ZNF644: variants seen among roughly 807,000 people sequenced by gnomAD.
The protein encoded by ZNF644 is zinc finger motif enhancer binding protein 2.
A neutral mutation model predicts 108.0 loss-of-function variants in ZNF644; 20 were observed. The observed-to-expected ratio is 0.19, with a 90% CI of 0.13 to 0.27. ZNF644 has a LOEUF of 0.27. Ranked by LOEUF, ZNF644 falls within the 10% of genes least tolerant of loss-of-function variation. The pLI, the probability that ZNF644 is intolerant of heterozygous loss-of-function variation, is 1.00. For missense variants in ZNF644, 1,338 were observed against 1,548.9 expected (o/e 0.86, Z 2.29); for synonymous variants, 542 against 539.1 (o/e 1.01, Z -0.08).
intron 5 of ZNF644, among the ~76,000 whole-genome samples, chr1:90,917,269 C>A (rs934385789): frequency 6.6e-6 from 1 of 152,132 alleles, no homozygotes; most frequent in Non-Finnish European, 1.5e-5. Context: ...ACAACTATTA[C>A]TCCAAAATAT....
chr1:90,999,369 G>A (rs1658515810), intron 1 of ZNF644, among the ~76,000 whole-genome samples: 1 of 152,224 alleles, frequency 6.6e-6, no homozygotes, highest in African/African-American at 2.4e-5. Context: ...CAAGCCAGAA[G>A]AGAGTGGTGG....
chr1:90,937,218 T>TTG (rs368889464), intron 4 of ZNF644, among the ~76,000 whole-genome samples: 9 of 151,918 alleles, frequency 5.9e-5, no homozygotes, highest in East Asian at 5.8e-4. Context: ...GTTGTTTTTA[T>TTG]TGTGTGTGTG....
At chr1:90,919,315 T>C (rs967434885) in intron 4 of ZNF644, among the ~76,000 whole-genome samples, 2 of 152,124 alleles carry the variant, frequency 1.3e-5, no homozygotes, top group Admixed American at 6.5e-5. Context: ...TATCCTGCCA[T>C]GTGAAAAATT....
At chr1:90,929,375 T>C (rs1475848502) in intron 4 of ZNF644, among the ~76,000 whole-genome samples, 1 of 152,212 alleles carries the variant, frequency 6.6e-6, no homozygotes, top group Non-Finnish European at 1.5e-5. Flanking sequence ...ACATGTCTCA[T>C]ACTTTTCACA....
chr1:90,933,983 G>A (rs1330567182), intron 4 of ZNF644, among the ~76,000 whole-genome samples: 2 of 152,174 alleles, frequency 1.3e-5, no homozygotes, highest in African/African-American at 4.8e-5. Flanking sequence ...AAATTGCATA[G>A]CATAGTGCCT....
At chr1:90,955,633 G>A (rs538613982) in intron 2 of ZNF644, among the ~76,000 whole-genome samples, 49 of 152,220 alleles carry the variant, frequency 3.2e-4, no homozygotes, top group Non-Finnish European at 5.9e-4. Flanking sequence ...CTTTTCTTCC[G>A]AAACTTCCTC....
chr1:90,966,162 G>C (rs1016454689), intron 2 of ZNF644, among the ~76,000 whole-genome samples: 6 of 152,006 alleles, frequency 3.9e-5, no homozygotes, highest in African/African-American at 1.2e-4. Context: ...ATATACTTAC[G>C]GATCATTTCT....
rs1450849998 is a variant in ZNF644, at chr1:90,941,185, G to C, written c.169C>G (p.His57Asp). Residue 57 changes from histidine (H) to aspartate (D), a missense_variant, in exon 3 of 6, where the codon CAT becomes GAT. Physicochemically the swap from His to Asp is moderately conservative, Grantham distance 81 (BLOSUM62 -1). Transcript: ENST00000337393. Reference sequence around the variant, plus strand: ...GATGTTTGACAATCTTTTGGCTTATGAACTCCGCTCTCTTTGTCTGAGATA... The same window carrying C: ...GATGTTTGACAATCTTTTGGCTTATCAACTCCGCTCTCTTTGTCTGAGATA... The part of the protein sequence containing the change: ...NFISDKESGV[H>D]KPKDCQTSFQ... 6.2e-7 allele frequency: 1 copy of C among 1,612,388 alleles called. No homozygotes were observed. Among genetic ancestry groups the C allele is most frequent in the East Asian group, 2.2e-5 (1 of 44,878 alleles).
chr1:91,012,451 T>A (rs527348908), intron 1 of ZNF644, among the ~76,000 whole-genome samples: 2 of 151,292 alleles, frequency 1.3e-5, no homozygotes, highest in South Asian at 4.2e-4. Flanking sequence ...GCACTCCAGC[T>A]AGGGTGACAG....
In ZNF644 at chr1:90,998,866, G is replaced by A. The variant is rs577981498; in HGVS notation, c.-17-16496C>T. 5.3e-5 allele frequency among the ~76,000 whole-genome samples: 8 copies of A among 152,302 alleles called. No homozygotes were observed. In the South Asian group the frequency reaches 1.7e-3, roughly 32 times the overall value. On this transcript the variant is annotated intron_variant, in intron 1 of 5. Coordinates refer to ENST00000337393, the MANE Select transcript of ZNF644 (RefSeq NM_201269.3). ...AGAAGTCCTTACATGACCTGATGGA[G>A]CTGAAAACCATGGCACGAGAACTAC...
chr1:90,969,614 C>T (rs1655257816), intron 2 of ZNF644, among the ~76,000 whole-genome samples: 1 of 152,174 alleles, frequency 6.6e-6, no homozygotes, highest in South Asian at 2.1e-4. Context: ...TCCTGTGTAT[C>T]CATGCTGTAA....
intron 4 of ZNF644, among the ~76,000 whole-genome samples, chr1:90,921,159 C>G (rs1393930400): frequency 6.6e-6 from 1 of 152,056 alleles, no homozygotes; most frequent in African/African-American, 2.4e-5. Context: ...CCAATATTCT[C>G]ACTTAAGAGA....
Position 90,939,724 on chromosome 1 carries a change from G to T in ZNF644, c.1630C>A (p.Arg544=). Reference sequence around the variant, plus strand: ...ACCACTGCCCCATGTGCAATGCCTCGATGGCATTCCAATTCATTTTCTGTC... The same window carrying T: ...ACCACTGCCCCATGTGCAATGCCTCTATGGCATTCCAATTCATTTTCTGTC... ...AVTENELECH[R]GIAHGAVVKC... Residue 544 remains arginine, a synonymous_variant, in exon 3 of 6, where the codon CGA becomes AGA. Coordinates refer to ENST00000337393, the MANE Select transcript of ZNF644 (RefSeq NM_201269.3). 1.2e-6 allele frequency: 2 copies of T among 1,613,886 alleles called. No individual in the cohort carries two copies. The highest frequency in any genetic ancestry group is 1.1e-5 in the South Asian group (1 of 91,078).
At chr1:90,947,406 T>C (rs1274975821) in intron 2 of ZNF644, among the ~76,000 whole-genome samples, 1 of 152,198 alleles carries the variant, frequency 6.6e-6, no homozygotes, top group Non-Finnish European at 1.5e-5. Context: ...TTGTGTAACA[T>C]GGGTCAGTTC....
At chr1:90,997,279 G>C (rs1301652340) in intron 1 of ZNF644, among the ~76,000 whole-genome samples, 1 of 152,170 alleles carries the variant, frequency 6.6e-6, no homozygotes, top group Non-Finnish European at 1.5e-5. Context: ...GTTAAGTGTT[G>C]AAGGAGCATC....
chr1:90,941,218 T>C lies in ZNF644; in HGVS notation c.136A>G (p.Asn46Asp), dbSNP rs147149561. The change falls in exon 3 of 6, where the codon AAC becomes GAC. Residue 46 changes from asparagine (N) to aspartate (D), a missense_variant. Asn to Asp is a conservative substitution (Grantham distance 23). Around this residue, in one of 6 missense-constraint regions of ZNF644, gnomAD observed 464 missense variants for 457.9 expected, o/e 1.01. Coordinates refer to ENST00000337393, the MANE Select transcript of ZNF644 (RefSeq NM_201269.3). ...CTCTCTTTGTCTGAGATAAAATTGTTGTCATCTAGGAGTTCTTCTTTAGCA... is the reference window on the plus strand; with the variant it reads ...CTCTCTTTGTCTGAGATAAAATTGTCGTCATCTAGGAGTTCTTCTTTAGCA... ...TGAKEELLDD[N>D]NFISDKESGV... 2,791 of 1,605,900 alleles carry C rather than the reference T, an allele frequency of 1.7e-3. 43 individuals are homozygous for C. In the African/African-American group the frequency reaches 0.033, roughly 19 times the overall value.
chr1:90,976,856 G>C (rs1211677639), intron 2 of ZNF644, among the ~76,000 whole-genome samples: 1 of 151,804 alleles, frequency 6.6e-6, no homozygotes, highest in Non-Finnish European at 1.5e-5. Flanking sequence ...TATATAATAT[G>C]GCATAGTACT....
chr1:90,928,709 A>G (rs1557551023), intron 4 of ZNF644, among the ~76,000 whole-genome samples: 1 of 151,992 alleles, frequency 6.6e-6, no homozygotes, highest in Non-Finnish European at 1.5e-5. Flanking sequence ...TGGCACTACA[A>G]TTTTACCAAA....
At chr1:91,005,838 T>A (rs1367475418) in intron 1 of ZNF644, among the ~76,000 whole-genome samples, 1 of 151,742 alleles carries the variant, frequency 6.6e-6, no homozygotes, top group Admixed American at 6.6e-5. Context: ...ATCCATAACC[T>A]AATTTTCTAA....
Sources: allele counts gnomAD v4.1 joint callset (sites outside exome capture counted in the v4.1 genomes callset), GRCh38; gene constraint gnomAD v4.1.1; regional missense constraint gnomAD v4.1.1; transcripts MANE v1.5; gene names NCBI Gene and HGNC (gene_info 2026-07-23, HGNC 2026-07-21).